Variants in TMEM132D observed in about 807,000 individuals in gnomAD.
TMEM132D encodes mature OL transmembrane protein.
Under a neutral mutation model 62.3 loss-of-function variants are expected in TMEM132D, and 21 were observed. That is an observed-to-expected ratio of 0.34 (90% CI 0.24 to 0.49). The LOEUF is 0.49. Ranked by LOEUF, TMEM132D falls within the 20% of genes least tolerant of loss-of-function variation. TMEM132D has a pLI of 0.99. For missense variants in TMEM132D, 1,346 were observed against 1,402.8 expected, an observed-to-expected ratio of 0.96 and a Z score of 0.65; for synonymous variants, 621 against 575.6, an observed-to-expected ratio of 1.08 and a Z score of -1.13.
At chr12:129,296,255 G>C (rs1479596755) in intron 4 of TMEM132D, among the ~76,000 whole-genome samples, 1 of 152,142 alleles carries the variant, frequency 6.6e-6, no homozygotes, top group East Asian at 1.9e-4. Flanking sequence ...TTTATGCACT[G>C]CGTGATTTTG....
intron 5 of TMEM132D, among the ~76,000 whole-genome samples, chr12:129,121,259 C>G (rs1876051419): frequency 6.6e-6 from 1 of 151,978 alleles, no homozygotes; most frequent in Admixed American, 6.6e-5. Context: ...CCATGCCTGG[C>G]TAATTTTTGT....
chr12:129,718,345 A>G (rs1315244313), intron 1 of TMEM132D, among the ~76,000 whole-genome samples: 1 of 152,110 alleles, frequency 6.6e-6, no homozygotes. Context: ...GGGTCCAGGG[A>G]GGGGAGGGGA....
chr12:129,656,108 T>A (rs543411457), intron 2 of TMEM132D, among the ~76,000 whole-genome samples: 3 of 152,304 alleles, frequency 2.0e-5, no homozygotes, highest in Admixed American at 2.0e-4. Flanking sequence ...AGAAAGGCCA[T>A]AAATTCCATT....
At chr12:129,685,516 C>T (rs1880886699) in intron 2 of TMEM132D, among the ~76,000 whole-genome samples, 1 of 152,138 alleles carries the variant, frequency 6.6e-6, no homozygotes, top group African/African-American at 2.4e-5. Context: ...TATGGAAATC[C>T]CTGGATGTCC....
At chr12:129,813,936 A>T (rs1872268633) in intron 1 of TMEM132D, among the ~76,000 whole-genome samples, 1 of 152,240 alleles carries the variant, frequency 6.6e-6, no homozygotes, top group African/African-American at 2.4e-5. Flanking sequence ...TTCCATTTTA[A>T]TATTCAATAA....
intron 4 of TMEM132D, among the ~76,000 whole-genome samples, chr12:129,317,655 G>A (rs755222835): frequency 6.6e-6 from 1 of 152,150 alleles, no homozygotes; most frequent in South Asian, 2.1e-4. Flanking sequence ...TTTCCCAGGT[G>A]TTTTTTATGC....
At chr12:129,090,372 AAAAG>A (rs1423396188) in intron 5 of TMEM132D, among the ~76,000 whole-genome samples, 2 of 152,126 alleles carry the variant, frequency 1.3e-5, no homozygotes, top group Non-Finnish European at 2.9e-5. Flanking sequence ...CTGACTTCTC[AAAAG>A]AAAGAAAGGG....
At chr12:129,835,923 T>C (rs1872990601) in intron 1 of TMEM132D, among the ~76,000 whole-genome samples, 1 of 152,220 alleles carries the variant, frequency 6.6e-6, no homozygotes, top group African/African-American at 2.4e-5. Flanking sequence ...CTGGGCCAGA[T>C]GGTACAACTC....
chr12:129,841,142 C>T (rs867371207), intron 1 of TMEM132D, among the ~76,000 whole-genome samples: 2 of 152,116 alleles, frequency 1.3e-5, no homozygotes. Context: ...CTGACATGTG[C>T]GCACCCCTGT....
chr12:129,077,431 CTATGTTCT>C (rs1453071680), intron 8 of TMEM132D, among the ~76,000 whole-genome samples: 1 of 152,142 alleles, frequency 6.6e-6, no homozygotes, highest in African/African-American at 2.4e-5. Flanking sequence ...ACCCAAATTC[CTATGTTCT>C]AAGAAATAAT....
At chr12:129,398,173 C>T (rs533015641) in intron 3 of TMEM132D, among the ~76,000 whole-genome samples, 307 of 152,272 alleles carry the variant, frequency 2.0e-3, no homozygotes, top group African/African-American at 7.1e-3. Context: ...AGAGAAAGCA[C>T]AACATATGGT....
In TMEM132D at chr12:129,337,643, C is replaced by A; in HGVS notation, c.1290G>T (p.Pro430=). 2.2e-5 allele frequency: 36 copies of A among 1,613,602 alleles called. No homozygotes were observed. Among genetic ancestry groups the A allele is most frequent in the Non-Finnish European group, 3.1e-5 (36 of 1,179,772 alleles). The change falls in exon 4 of 9, where the codon CCG becomes CCT. Residue 430 remains proline, a synonymous_variant. Transcript: ENST00000422113. ...VSPKDLIGVV[P]LAMEAEILNT... ...GGCGGGGCTTGCTTACCATAGCCAG[C>A]GGCACAACTCCAATCAAGTCCTTTG...
At chr12:129,123,555 T>G (rs920106002) in intron 5 of TMEM132D, among the ~76,000 whole-genome samples, 1 of 152,148 alleles carries the variant, frequency 6.6e-6, no homozygotes, top group Non-Finnish European at 1.5e-5. Flanking sequence ...GAAATGATCC[T>G]TCAGTGATTT....
chr12:129,122,747 T>C (rs1876103898), intron 5 of TMEM132D, among the ~76,000 whole-genome samples: 1 of 152,252 alleles, frequency 6.6e-6, no homozygotes, highest in Non-Finnish European at 1.5e-5. Flanking sequence ...AAATGTACCC[T>C]ACATTTTCTT....
At chr12:129,175,373 C>T (rs1415243991) in intron 5 of TMEM132D, among the ~76,000 whole-genome samples, 1 of 152,140 alleles carries the variant, frequency 6.6e-6, no homozygotes, top group African/African-American at 2.4e-5. Flanking sequence ...GGGTTTGATA[C>T]CACCACTTAT....
intron 2 of TMEM132D, among the ~76,000 whole-genome samples, chr12:129,584,167 GA>G (rs914743904): frequency 1.0e-4 from 15 of 148,192 alleles, no homozygotes; most frequent in Middle Eastern, 3.5e-3. Flanking sequence ...AGTACAAGGT[GA>G]AAAAAAAAAT....
chr12:129,200,370 A>C (rs1593293942), intron 5 of TMEM132D, among the ~76,000 whole-genome samples: 1 of 152,342 alleles, frequency 6.6e-6, no homozygotes, highest in East Asian at 1.9e-4. Flanking sequence ...GTGTTAGTGC[A>C]TCAAAGGTAT....
chr12:129,405,081 T>C (rs922584287), intron 3 of TMEM132D, among the ~76,000 whole-genome samples: 4 of 152,184 alleles, frequency 2.6e-5, no homozygotes, highest in African/African-American at 9.7e-5. Context: ...TAAATGTATT[T>C]GTGTTCTTGT....
rs117165188 is a variant in TMEM132D at position 129,247,342 on chromosome 12, C to T, written c.1300-37679G>A. 3.2e-3 allele frequency among the ~76,000 whole-genome samples: 489 copies of T among 152,218 alleles called. 3 individuals carry two copies. Among genetic ancestry groups the T allele is most frequent in the Non-Finnish European group, 4.8e-3 (328 of 68,014 alleles). ...TCACGATCTGGTTCCAAAATGGTGC[C>T]ATTTATAAGGGACAACTAGACCAAA... On this transcript the variant is annotated intron_variant, in intron 4 of 8. Coordinates refer to ENST00000422113, the MANE Select transcript of TMEM132D (RefSeq NM_133448.3).
Sources: allele counts gnomAD v4.1 joint callset (sites outside exome capture counted in the v4.1 genomes callset), GRCh38; gene constraint gnomAD v4.1.1; transcripts MANE v1.5; gene names NCBI Gene and HGNC (gene_info 2026-07-23, HGNC 2026-07-21).